MYEF2: variants seen among roughly 807,000 people sequenced by gnomAD.
MYEF2 encodes the protein myelin gene expression factor 2.
In MYEF2, 37 loss-of-function variants were observed where a neutral mutation model predicts 75.2. The observed-to-expected ratio is 0.49, with a 90% CI of 0.38 to 0.65. MYEF2 has a LOEUF of 0.65. MYEF2 is among the 30% of genes least tolerant of loss of function. The pLI is 0.00. For missense variants in MYEF2, 634 were observed against 771.4 expected, an observed-to-expected ratio of 0.82 and a Z score of 2.11; for synonymous variants, 195 against 241.6, an observed-to-expected ratio of 0.81 and a Z score of 1.79.
chr15:48,155,990 C>G (rs1159800516), intron 9 of MYEF2, among the ~76,000 whole-genome samples: 1 of 151,894 alleles, frequency 6.6e-6, no homozygotes, highest in Non-Finnish European at 1.5e-5. Flanking sequence ...GTTGACCAGG[C>G]TGATCTCGAA....
At chr15:48,146,601 T>G (rs1339386071) in intron 16 of MYEF2, among the ~76,000 whole-genome samples, 2 of 151,722 alleles carry the variant, frequency 1.3e-5, no homozygotes, top group Non-Finnish European at 2.9e-5. Flanking sequence ...GCAGAGGGGG[T>G]TGCCAGTGGC....
intron 16 of MYEF2, among the ~76,000 whole-genome samples, chr15:48,147,090 C>G (rs2039313648): frequency 6.6e-6 from 1 of 151,748 alleles, no homozygotes; most frequent in Admixed American, 6.6e-5. Context: ...AAGAATAGAG[C>G]TAAAATAGCA....
At chr15:48,176,931 G>C (rs921965304) in intron 1 of MYEF2, among the ~76,000 whole-genome samples, 4 of 152,068 alleles carry the variant, frequency 2.6e-5, no homozygotes, top group Non-Finnish European at 5.9e-5. Flanking sequence ...TCATTTGAGA[G>C]CAAGAGTGTC....
chr15:48,139,260 C>T lies in MYEF2; in HGVS notation c.*3648G>A. ...ATGTTCACTCAAAGTAGTCTAGCTA[C>T]ACAGCAAATTTCTTTTCAGCAAGAT... On this transcript the variant is annotated 3_prime_UTR_variant, in exon 17 of 17. Coordinates refer to ENST00000324324, the MANE Select transcript of MYEF2 (RefSeq NM_016132.5). 8.8e-7 allele frequency: 1 copy of T among 1,132,774 alleles called. No individual in the cohort carries two copies. Among genetic ancestry groups the T allele is most frequent in the Non-Finnish European group, 1.3e-6 (1 of 781,370 alleles). The allele number at this position is 1,132,774 out of a possible 1,614,324, so 70.2% of individuals were successfully genotyped here. A position where few individuals can be genotyped will look rare whatever the true frequency, so the allele number is the denominator to read the frequency against.
chr15:48,164,345 G>C (rs775357612), intron 5 of MYEF2, among the ~76,000 whole-genome samples: 1 of 152,138 alleles, frequency 6.6e-6, no homozygotes, highest in Non-Finnish European at 1.5e-5. Flanking sequence ...AGTGGATCCT[G>C]AAGATGTGAA....
In MYEF2 at chr15:48,141,994, T is replaced by G. The variant is rs1461529397; in HGVS notation, c.*914A>C. On this transcript the variant is annotated 3_prime_UTR_variant, in exon 17 of 17. Coordinates refer to ENST00000324324, the MANE Select transcript of MYEF2 (RefSeq NM_016132.5). ...GATTATTAATAAAACACAGTATTGG[T>G]AAGCACATTTTAACAGTATGCTTTT... The G allele has an allele frequency of 1.4e-6, 2 of 1,453,326 alleles. No individual in the cohort carries two copies. 90.0% of individuals were successfully genotyped at this position (1,453,326 alleles called of 1,614,324 possible).
intron 16 of MYEF2, among the ~76,000 whole-genome samples, chr15:48,145,689 G>A (rs1239681639): frequency 1.3e-5 from 2 of 151,814 alleles, no homozygotes; most frequent in African/African-American, 4.8e-5. Flanking sequence ...CAAATTAAAG[G>A]ATGTTCAATA....
rs747550107 is a variant in MYEF2 at position 48,142,047 on chromosome 15, T to C, written c.*861A>G. The C allele has an allele frequency of 3.7e-6, 6 of 1,611,468 alleles. No individual in the cohort carries two copies. The highest frequency in any genetic ancestry group is 3.4e-6 in the Non-Finnish European group (4 of 1,178,258). On this transcript the variant is annotated 3_prime_UTR_variant, in exon 17 of 17. Transcript: ENST00000324324. ...TTTGTAGGGAAAGGAGATATGGCTATGTCTAACATCGTGGGATCCAATGTG... is the reference window on the plus strand; with the variant it reads ...TTTGTAGGGAAAGGAGATATGGCTACGTCTAACATCGTGGGATCCAATGTG...
chr15:48,157,938 T>C, intron 9 of MYEF2, 55 bp downstream of exon 9: 1 of 1,607,676 alleles, frequency 6.2e-7, no homozygotes, highest in Non-Finnish European at 8.5e-7. Context: ...GCTTAGCACA[T>C]AATAAAACAA....
intron 3 of MYEF2, among the ~76,000 whole-genome samples, chr15:48,166,358 A>T (rs923232884): frequency 6.6e-6 from 1 of 151,936 alleles, no homozygotes; most frequent in Non-Finnish European, 1.5e-5. Flanking sequence ...ACAAGCTTGG[A>T]GCACATTTTT....
At position 48,139,053 on chromosome 15, in the gene MYEF2, T is replaced by C; in HGVS notation, c.*3855A>G. The stretch of plus-strand genomic sequence containing the variant: ...TCCCTTCCTATTATTACATTACTTT[T>C]TCTAACCACACCAGATTGTAGAAAA... On this transcript the variant is annotated 3_prime_UTR_variant, in exon 17 of 17. Coordinates refer to ENST00000324324, the MANE Select transcript of MYEF2 (RefSeq NM_016132.5). The C allele has an allele frequency of 6.2e-7, 1 of 1,613,170 alleles. No homozygotes were observed. The highest frequency in any genetic ancestry group is 8.5e-7 in the Non-Finnish European group (1 of 1,179,354).
At chr15:48,148,047 T>C (rs756136579) in intron 16 of MYEF2, among the ~76,000 whole-genome samples, 1 of 151,952 alleles carries the variant, frequency 6.6e-6, no homozygotes, top group Non-Finnish European at 1.5e-5. Context: ...TAATAAAAGC[T>C]ACAAAAGAGT....
At position 48,149,403 on chromosome 15, in the gene MYEF2, G is replaced by C. The variant is rs1175330102; in HGVS notation, c.1379-32C>G. 1 of 1,600,210 alleles carries C rather than the reference G, an allele frequency of 6.2e-7. No homozygotes were observed. The highest frequency in any genetic ancestry group is 8.5e-7 in the Non-Finnish European group (1 of 1,169,896). On this transcript the variant is annotated intron_variant, in intron 14 of 16. Coordinates refer to ENST00000324324, the MANE Select transcript of MYEF2 (RefSeq NM_016132.5). The surrounding 1 kb of genome is among the most constrained non-coding windows in gnomAD (Gnocchi z 4.0). The stretch of plus-strand genomic sequence containing the variant: ...TTTCAAGAAAGGACGGGGGGATTTG[G>C]GAATTTTGTGTTTTTGTTTCAAAAA...
chr15:48,152,408 T>C, intron 10 of MYEF2, 124 bp from the exon 11 acceptor site: 4 of 796,130 alleles, frequency 5.0e-6, no homozygotes, highest in Admixed American at 4.6e-5. Context: ...AGAGAAGCGG[T>C]AGGGTACAGG....
At chr15:48,157,821 C>G in intron 9 of MYEF2, 172 bp downstream of exon 9, 2 of 1,346,702 alleles carry the variant, frequency 1.5e-6, no homozygotes, top group South Asian at 2.1e-5. Flanking sequence ...TGGCACGTAA[C>G]ACTTATCTTC....
Position 48,159,619 on chromosome 15 carries a change from A to C in MYEF2, c.711T>G (p.Val237=), listed in dbSNP as rs2039858458. 6.2e-7 allele frequency: 1 copy of C among 1,609,284 alleles called. No homozygotes were observed. The highest frequency in any genetic ancestry group is 8.5e-7 in the Non-Finnish European group (1 of 1,178,736). ...GACTAAAGCTTGAACTTACATTGGCAACAAAAATTGTGGAACCAAGTCTAC... is the reference window on the plus strand; with the variant it reads ...GACTAAAGCTTGAACTTACATTGGCCACAAAAATTGTGGAACCAAGTCTAC... ...QAGRLGSTIF[V]ANLDFKVGWK... Residue 237 remains valine, a synonymous_variant, in exon 6 of 17, where the codon GTT becomes GTG. Transcript: ENST00000324324.
chr15:48,153,987 T>C (rs2039591456), intron 9 of MYEF2, 94 bp from the exon 10 acceptor site: 2 of 939,620 alleles, frequency 2.1e-6, no homozygotes, highest in Non-Finnish European at 3.1e-6. Context: ...CCTGTAGTAG[T>C]ATCTGTAAAA....
Position 48,136,837 on chromosome 15 carries a change from G to C in MYEF2, c.*6071C>G, listed in dbSNP as rs138230830. ...GAGAAGTGAACAACAGCCACTGATG[G>C]GCTGGGAAGATGAAGGTCAACCATT... On this transcript the variant is annotated 3_prime_UTR_variant, in exon 17 of 17. Transcript: ENST00000324324. 9.9e-6 allele frequency: 16 copies of C among 1,613,710 alleles called. No individual in the cohort carries two copies. The African/African-American group carries it at 1.6e-4, about 16-fold the overall frequency.
chr15:48,152,528 C>A (rs1169107154), intron 10 of MYEF2: 1 of 422,062 alleles, frequency 2.4e-6, no homozygotes, highest in Non-Finnish European at 4.2e-6. Flanking sequence ...GTAACACCCA[C>A]AACATTCAGT....
Sources: allele counts gnomAD v4.1 joint callset (sites outside exome capture counted in the v4.1 genomes callset), GRCh38; gene constraint gnomAD v4.1.1; non-coding constraint Gnocchi (gnomAD v3.1); transcripts MANE v1.5; gene names NCBI Gene and HGNC (gene_info 2026-07-23, HGNC 2026-07-21).